The following PAM variants were observed in gnomAD, a reference collection of about 807,000 sequenced individuals.
PAM encodes peptidyl-glycine alpha-amidating monooxygenase.
A neutral mutation model predicts 122.1 loss-of-function variants in PAM; 72 were observed. That is an observed-to-expected ratio of 0.59 (90% confidence interval 0.49 to 0.72). The LOEUF is 0.72. PAM is among the 30% of genes least tolerant of loss of function. The pLI, the probability that PAM is intolerant of heterozygous loss-of-function variation, is 0.00. For missense variants in PAM, 1,106 were observed against 1,183.7 expected, an observed-to-expected ratio of 0.93 and a Z score of 0.96; for synonymous variants, 389 against 404.4, an observed-to-expected ratio of 0.96 and a Z score of 0.46.
At chr5:102,970,287 A>C (rs553908753) in intron 14 of PAM, among the ~76,000 whole-genome samples, 95 of 152,344 alleles carry the variant, frequency 6.2e-4, no homozygotes, top group African/African-American at 2.2e-3. Context: ...AAAAATTAAA[A>C]ATTAAGTTTC....
At chr5:102,764,718 G>A (rs866006337) in intron 1 of PAM, among the ~76,000 whole-genome samples, 6 of 152,198 alleles carry the variant, frequency 3.9e-5, no homozygotes, top group South Asian at 2.1e-4. Context: ...AGGTTGCTCC[G>A]CCACTAAACT....
intron 24 of PAM, 50 bp downstream of exon 24, chr5:103,025,384 T>G (rs200956425): frequency 7.0e-7 from 1 of 1,424,604 alleles, no homozygotes; most frequent in East Asian, 2.3e-5. Context: ...GAAAGAGTGT[T>G]TGGCCTAATT....
intron 21 of PAM, among the ~76,000 whole-genome samples, chr5:103,010,653 A>G (rs1047909680): frequency 6.6e-6 from 1 of 152,242 alleles, no homozygotes; most frequent in Non-Finnish European, 1.5e-5. Flanking sequence ...AAATACAACT[A>G]TCATCAGCTA....
chr5:102,761,374 A>G (rs1458682489), intron 1 of PAM, among the ~76,000 whole-genome samples: 1 of 152,246 alleles, frequency 6.6e-6, no homozygotes, highest in Non-Finnish European at 1.5e-5. Flanking sequence ...AAGCAAATGC[A>G]CAAAGAATAA....
intron 16 of PAM, among the ~76,000 whole-genome samples, chr5:102,990,827 C>T (rs573435719): frequency 6.6e-6 from 1 of 152,298 alleles, no homozygotes; most frequent in Non-Finnish European, 1.5e-5. Context: ...ATCCTGGGTG[C>T]AGAACTATGC....
At chr5:102,964,622 G>A (rs998122939) in intron 14 of PAM, among the ~76,000 whole-genome samples, 50 of 151,554 alleles carry the variant, frequency 3.3e-4, no homozygotes, top group Non-Finnish European at 5.9e-4. Context: ...TAAAAGATAA[G>A]GAAATTATGT....
Position 103,007,110 on chromosome 5 carries a change from C to T in PAM, c.2014+99C>T, listed in dbSNP as rs150989910. On this transcript the variant is annotated intron_variant, in intron 19 of 25. Coordinates refer to ENST00000438793, the MANE Select transcript of PAM (RefSeq NM_001177306.2). ...CTCACATTCTTTAAGCTGTAATTGTCCCCTACAGGGTCATTGTAACCTGGG... is the reference window on the plus strand; with the variant it reads ...CTCACATTCTTTAAGCTGTAATTGTTCCCTACAGGGTCATTGTAACCTGGG... The T allele has an allele frequency of 2.5e-4, 218 of 882,900 alleles. No individual in the cohort carries two copies. The Middle Eastern group carries it at 5.3e-3, about 21-fold the overall frequency. 54.7% of individuals were successfully genotyped at this position (882,900 alleles called of 1,614,324 possible).
chr5:103,011,421 C>A (rs1311906468), intron 21 of PAM, among the ~76,000 whole-genome samples: 1 of 151,840 alleles, frequency 6.6e-6, no homozygotes, highest in Non-Finnish European at 1.5e-5. Flanking sequence ...CTGTCCCATA[C>A]CCTTCCCAGG....
chr5:102,830,965 A>T (rs964278361), intron 1 of PAM, among the ~76,000 whole-genome samples: 1 of 152,158 alleles, frequency 6.6e-6, no homozygotes, highest in East Asian at 1.9e-4. Flanking sequence ...CAGCTCTCTC[A>T]ATTAATAGGT....
chr5:102,862,245 C>T (rs1268126434), intron 1 of PAM, among the ~76,000 whole-genome samples: 2 of 147,148 alleles, frequency 1.4e-5, no homozygotes, highest in Non-Finnish European at 3.0e-5. Flanking sequence ...TAAAGGGGTG[C>T]ATAGCATTCT....
intron 1 of PAM, among the ~76,000 whole-genome samples, chr5:102,787,654 C>T (rs1254461613): frequency 2.0e-5 from 3 of 151,886 alleles, no homozygotes; most frequent in Non-Finnish European, 4.4e-5. Context: ...AACTATTGTG[C>T]AGCTCTTAGC....
intron 4 of PAM, among the ~76,000 whole-genome samples, chr5:102,905,998 G>C (rs1370635624): frequency 6.6e-6 from 1 of 151,554 alleles, no homozygotes. Flanking sequence ...CATTTTTCTT[G>C]GTCATAATCA....
chr5:102,818,557 CATT>C (rs1770696456), intron 1 of PAM, among the ~76,000 whole-genome samples: 1 of 152,162 alleles, frequency 6.6e-6, no homozygotes, highest in African/African-American at 2.4e-5. Context: ...CATGAGGAAG[CATT>C]ATGAACTGTC....
chr5:102,978,102 A>G (rs1357094467), intron 15 of PAM, among the ~76,000 whole-genome samples: 4 of 152,174 alleles, frequency 2.6e-5, no homozygotes, highest in Admixed American at 2.6e-4. Flanking sequence ...ACCAAAGTAT[A>G]AATATTGATT....
chr5:103,021,472 T>G (rs1277313963), intron 23 of PAM, among the ~76,000 whole-genome samples: 1 of 152,210 alleles, frequency 6.6e-6, no homozygotes, highest in Non-Finnish European at 1.5e-5. Context: ...TCTTAGCCGG[T>G]CAATGATGGA....
intron 1 of PAM, among the ~76,000 whole-genome samples, chr5:102,805,064 C>CTTTTT (rs527963126): frequency 8.7e-5 from 9 of 103,772 alleles, no homozygotes; most frequent in African/African-American, 1.5e-4. Flanking sequence ...GGGAATTTTC[C>CTTTTT]TTTTTTTTTT....
At chr5:102,954,042 A>G (rs1759877795) in intron 12 of PAM, among the ~76,000 whole-genome samples, 1 of 152,108 alleles carries the variant, frequency 6.6e-6, no homozygotes. Flanking sequence ...CTCAAAATAA[A>G]AAAATATTAA....
At chr5:102,984,809 C>G (rs1324272335) in intron 15 of PAM, among the ~76,000 whole-genome samples, 2 of 152,050 alleles carry the variant, frequency 1.3e-5, no homozygotes. Flanking sequence ...GTAACATTCT[C>G]CAGGATAGAC....
At chr5:102,977,660 A>G (rs201053425) in intron 15 of PAM, among the ~76,000 whole-genome samples, 4,561 of 53,744 alleles carry the variant, frequency 0.085, 94 homozygotes, top group African/African-American at 0.2. Context: ...GCATGTGCGC[A>G]CACACACACA....
Sources: allele counts gnomAD v4.1 joint callset (sites outside exome capture counted in the v4.1 genomes callset), GRCh38; gene constraint gnomAD v4.1.1; transcripts MANE v1.5; gene names NCBI Gene and HGNC (gene_info 2026-07-23, HGNC 2026-07-21).